The following TAS2R1 variants were observed in gnomAD, a reference collection of about 807,000 sequenced individuals.
TAS2R1 encodes taste receptor type 2 member 1.
For synonymous variants in TAS2R1, 141 were observed against 134.2 expected, an observed-to-expected ratio of 1.05 and a Z score of -0.35; for missense variants, 370 against 353.4, an observed-to-expected ratio of 1.05 and a Z score of -0.38.
At chr5:9,669,746 G>C (rs1454145575) in intron 1 of TAS2R1, among the ~76,000 whole-genome samples, 1 of 152,014 alleles carries the variant, frequency 6.6e-6, no homozygotes, top group Non-Finnish European at 1.5e-5. Context: ...AGAATCTCTG[G>C]GACACAGCTA....
chr5:9,766,964 C>T, the TAS2R1 span, among the ~76,000 whole-genome samples: 1 of 152,114 alleles, frequency 6.6e-6, no homozygotes, highest in Non-Finnish European at 1.5e-5. Flanking sequence ...ATCCTATGCT[C>T]TCTTCTCTCC....
At chr5:9,855,760 T>C in the TAS2R1 span, among the ~76,000 whole-genome samples, 3 of 152,238 alleles carry the variant, frequency 2.0e-5, no homozygotes, top group Admixed American at 1.3e-4. Context: ...GTCAAACTTG[T>C]TTTCAAAATA....
the TAS2R1 span, among the ~76,000 whole-genome samples, chr5:9,814,686 CTT>C: frequency 6.6e-6 from 1 of 152,130 alleles, no homozygotes; most frequent in African/African-American, 2.4e-5. Flanking sequence ...ACCCAATTTA[CTT>C]GCCTAATTTT....
intron 1 of TAS2R1, among the ~76,000 whole-genome samples, chr5:9,663,867 G>A (rs374918517): frequency 9.2e-5 from 14 of 152,292 alleles, no homozygotes; most frequent in African/African-American, 2.9e-4. Flanking sequence ...GGGGAAGGCT[G>A]TGCACAGACA....
At chr5:9,693,371 A>C (rs1431751810) in intron 1 of TAS2R1, among the ~76,000 whole-genome samples, 1 of 151,952 alleles carries the variant, frequency 6.6e-6, no homozygotes, top group Non-Finnish European at 1.5e-5. Context: ...CTAAAAATAC[A>C]AAATTAGCCA....
the TAS2R1 span, among the ~76,000 whole-genome samples, chr5:9,783,441 A>G: frequency 6.6e-6 from 1 of 152,206 alleles, no homozygotes; most frequent in Non-Finnish European, 1.5e-5. Flanking sequence ...GCAGAACCAG[A>G]TGGCTTCAAG....
At chr5:9,633,540 G>A (rs1739916453), upstream of TAS2R1, among the ~76,000 whole-genome samples, 1 of 151,588 alleles carries the variant, frequency 6.6e-6, no homozygotes, top group Admixed American at 6.6e-5. Flanking sequence ...TTTCACAGTG[G>A]TTGTACTAGT....
At chr5:9,802,371 A>T in the TAS2R1 span, among the ~76,000 whole-genome samples, 1 of 152,206 alleles carries the variant, frequency 6.6e-6, no homozygotes, top group South Asian at 2.1e-4. Flanking sequence ...ACCCTAGGTG[A>T]AGAGTGCAAA....
At chr5:9,689,740 C>T (rs755798452) in intron 1 of TAS2R1, among the ~76,000 whole-genome samples, 22 of 151,948 alleles carry the variant, frequency 1.4e-4, no homozygotes, top group East Asian at 1.9e-4. Context: ...AAATATTAAA[C>T]GTTTTTTCTA....
the TAS2R1 span, among the ~76,000 whole-genome samples, chr5:9,801,024 T>A: frequency 6.6e-6 from 1 of 152,118 alleles, no homozygotes; most frequent in Admixed American, 6.6e-5. Context: ...AAACCCCGTC[T>A]CTACTAAAAC....
the TAS2R1 span, among the ~76,000 whole-genome samples, chr5:9,842,180 T>C: frequency 2.0e-5 from 3 of 149,562 alleles, no homozygotes; most frequent in Non-Finnish European, 4.4e-5. Flanking sequence ...TTCTTAGTCC[T>C]GTTTTTTGGT....
At chr5:9,719,918 C>CAAA in the TAS2R1 span, among the ~76,000 whole-genome samples, 408 of 63,920 alleles carry the variant, frequency 6.4e-3, 9 homozygotes, top group African/African-American at 0.026. Flanking sequence ...GATTCCGATT[C>CAAA]AAAAAAAAAA....
the TAS2R1 span, among the ~76,000 whole-genome samples, chr5:9,812,547 A>C: frequency 5.3e-5 from 8 of 152,056 alleles, no homozygotes; most frequent in African/African-American, 1.9e-4. Context: ...GGCCCAAAAA[A>C]AGTCAGTAGA....
the TAS2R1 span, among the ~76,000 whole-genome samples, chr5:9,796,227 C>G: frequency 1.3e-5 from 2 of 152,216 alleles, no homozygotes; most frequent in Non-Finnish European, 2.9e-5. Flanking sequence ...ACAGTAGACA[C>G]AAAAATGCTT....
the TAS2R1 span, among the ~76,000 whole-genome samples, chr5:9,804,049 T>C: frequency 4.6e-5 from 7 of 152,260 alleles, no homozygotes; most frequent in Admixed American, 2.0e-4. Context: ...AGGAAAGAGA[T>C]ATTCCATGCC....
the TAS2R1 span, among the ~76,000 whole-genome samples, chr5:9,876,051 G>A: frequency 6.6e-6 from 1 of 152,044 alleles, no homozygotes; most frequent in Non-Finnish European, 1.5e-5. Flanking sequence ...GCCAGGCCTT[G>A]CCCCACCTCC....
chr5:9,848,525 A>T, the TAS2R1 span, among the ~76,000 whole-genome samples: 1 of 152,232 alleles, frequency 6.6e-6, no homozygotes, highest in Non-Finnish European at 1.5e-5. Flanking sequence ...TCTATTGTAC[A>T]GCAGAATGAC....
At chr5:9,756,431 ATCT>A in the TAS2R1 span, among the ~76,000 whole-genome samples, 3 of 152,332 alleles carry the variant, frequency 2.0e-5, no homozygotes, top group South Asian at 4.1e-4. Context: ...AATCCCCAGA[ATCT>A]TCTTATAAGA....
At chr5:9,815,016 G>T in the TAS2R1 span, among the ~76,000 whole-genome samples, 1 of 152,224 alleles carries the variant, frequency 6.6e-6, no homozygotes, top group Non-Finnish European at 1.5e-5. Context: ...AGAAAGCGAG[G>T]CAGAATGGTG....
Sources: gnomAD v4.1 joint callset for allele counts (sites outside exome capture counted in the v4.1 genomes callset) on GRCh38, gnomAD v4.1.1 for gene constraint, MANE v1.5 for transcripts, NCBI Gene and HGNC (gene_info 2026-07-23, HGNC 2026-07-21) for gene names.